The following ZBTB44 variants were observed in gnomAD, a reference collection of about 807,000 sequenced individuals.
The protein encoded by ZBTB44 is zinc finger and BTB domain-containing protein 44.
In ZBTB44, 15 loss-of-function variants were observed where a neutral mutation model predicts 54.0. The observed-to-expected ratio is 0.28, with a 90% CI of 0.19 to 0.43. ZBTB44 has a LOEUF of 0.43. Ranked by LOEUF, ZBTB44 falls within the 20% of genes least tolerant of loss-of-function variation. The pLI, the probability that ZBTB44 is intolerant of heterozygous loss-of-function variation, is 1.00. For missense variants in ZBTB44, 487 were observed against 707.1 expected, an observed-to-expected ratio of 0.69 and a Z score of 3.53; for synonymous variants, 230 against 250.1, an observed-to-expected ratio of 0.92 and a Z score of 0.76.
chr11:130,240,978 C>T (rs921268374), intron 2 of ZBTB44, among the ~76,000 whole-genome samples: 1 of 152,186 alleles, frequency 6.6e-6, no homozygotes, highest in African/African-American at 2.4e-5. Context: ...TGTTGTCTGG[C>T]TGTTTTATAT....
chr11:130,299,064 C>CA (rs1453466924), intron 1 of ZBTB44, among the ~76,000 whole-genome samples: 2 of 151,906 alleles, frequency 1.3e-5, no homozygotes, highest in Non-Finnish European at 2.9e-5. Context: ...GCCTGGGTAA[C>CA]AGAGTGAGAC....
chr11:130,271,618 G>A (rs1939675692), intron 1 of ZBTB44, among the ~76,000 whole-genome samples: 1 of 152,146 alleles, frequency 6.6e-6, no homozygotes, highest in Admixed American at 6.5e-5. Flanking sequence ...GTGGACGTTT[G>A]GGGCTCACTT....
At chr11:130,255,799 C>T (rs1010379219) in intron 2 of ZBTB44, among the ~76,000 whole-genome samples, 4 of 149,004 alleles carry the variant, frequency 2.7e-5, no homozygotes, top group East Asian at 2.0e-4. Context: ...AAAATCTAGA[C>T]GAAAATTCCT....
At chr11:130,239,585 G>C (rs1011665454) in intron 3 of ZBTB44, 1 of 340,932 alleles carries the variant, frequency 2.9e-6, no homozygotes, top group Non-Finnish European at 5.5e-6. Context: ...ACTTGGTACA[G>C]ATACGATTTA....
intron 1 of ZBTB44, among the ~76,000 whole-genome samples, chr11:130,278,353 G>C (rs1293305944): frequency 6.6e-6 from 1 of 152,152 alleles, no homozygotes; most frequent in Non-Finnish European, 1.5e-5. Flanking sequence ...GAAAAACAGA[G>C]TGGTTGTAAG....
rs771153046 is a variant in ZBTB44, at chr11:130,260,971, C to A, written c.903G>T (p.Glu301Asp). 18 of 1,613,884 alleles carry A rather than the reference C, an allele frequency of 1.1e-5. No homozygotes were observed. The highest frequency in any genetic ancestry group is 5.9e-6 in the Non-Finnish European group (7 of 1,179,896). Residue 301 changes from glutamate to aspartate, a missense_variant, in exon 2 of 8, where the codon GAG becomes GAT. Physicochemically the swap from Glu to Asp is conservative, Grantham distance 45. Around this residue, in one of 3 missense-constraint regions of ZBTB44, gnomAD observed 277 missense variants for 306.5 expected, o/e 0.90. Coordinates refer to ENST00000357899, the MANE Select transcript of ZBTB44 (RefSeq NM_001301098.2). The part of the protein sequence containing the change: ...VERLSDEEVH[E>D]EVSQPVSASQ... ...ATGCACTGACAGGCTGGGACACTTC[C>A]TCATGGACCTCCTCATCACTTAATC...
At chr11:130,234,998 T>C (rs1199442859) in intron 5 of ZBTB44, among the ~76,000 whole-genome samples, 1 of 152,204 alleles carries the variant, frequency 6.6e-6, no homozygotes, top group Non-Finnish European at 1.5e-5. Context: ...TACTTTTCTG[T>C]ATTTCCTAAA....
Position 130,314,742 on chromosome 11 carries a change from G to A in ZBTB44, c.-424C>T, listed in dbSNP as rs1942846419. 2.0e-5 allele frequency: 3 copies of A among 150,898 alleles called. No individual in the cohort carries two copies. The South Asian group carries it at 6.3e-4, about 32-fold the overall frequency. The allele number at this position is 150,898 out of a possible 1,614,324, so 9.3% of individuals were successfully genotyped here. A position where few individuals can be genotyped will look rare whatever the true frequency, so the allele number is the denominator to read the frequency against. ...GAGGGCAGGCGGTTGTTTGGGGAGC[G>A]CGGCGACGGCTCGCGTGTTCCCAGC... On this transcript the variant is annotated 5_prime_UTR_variant, in exon 1 of 8. Coordinates refer to ENST00000357899, the MANE Select transcript of ZBTB44 (RefSeq NM_001301098.2).
chr11:130,236,673 G>T (rs992263003), intron 5 of ZBTB44, 120 bp downstream of exon 5: 7 of 1,085,970 alleles, frequency 6.4e-6, no homozygotes, highest in Non-Finnish European at 8.4e-6. Flanking sequence ...GTGGGAATCC[G>T]TAACAAATGT....
intron 2 of ZBTB44, among the ~76,000 whole-genome samples, chr11:130,253,228 C>T (rs571000798): frequency 6.6e-6 from 1 of 152,188 alleles, no homozygotes; most frequent in South Asian, 2.1e-4. Flanking sequence ...GGCAATCAGG[C>T]AGGAGAAAGA....
intron 1 of ZBTB44, among the ~76,000 whole-genome samples, chr11:130,283,309 G>C (rs1411459173): frequency 6.6e-6 from 1 of 152,022 alleles, no homozygotes; most frequent in South Asian, 2.1e-4. Flanking sequence ...GCCTCCCAAA[G>C]TGCTGGGATT....
At chr11:130,310,738 T>G (rs1330272385) in intron 1 of ZBTB44, among the ~76,000 whole-genome samples, 1 of 152,164 alleles carries the variant, frequency 6.6e-6, no homozygotes, top group Non-Finnish European at 1.5e-5. Context: ...AAATATAGTT[T>G]TTTTTTGTTT....
At chr11:130,262,583 C>T (rs1405701887) in intron 1 of ZBTB44, among the ~76,000 whole-genome samples, 4 of 152,096 alleles carry the variant, frequency 2.6e-5, no homozygotes, top group East Asian at 1.9e-4. Flanking sequence ...TATCAGTAGG[C>T]GTATTATCAT....
chr11:130,240,773 C>G (rs1387429305), intron 2 of ZBTB44, among the ~76,000 whole-genome samples: 1 of 152,180 alleles, frequency 6.6e-6, no homozygotes, highest in Admixed American at 6.5e-5. Context: ...ATCTTGAATA[C>G]AAGTATCCAT....
chr11:130,251,319 A>G (rs1042188967), intron 2 of ZBTB44, among the ~76,000 whole-genome samples: 1 of 152,240 alleles, frequency 6.6e-6, no homozygotes, highest in African/African-American at 2.4e-5. Flanking sequence ...CCTACGATTG[A>G]CTGAGGTCCC....
chr11:130,286,224 C>T (rs1298247276), intron 1 of ZBTB44, among the ~76,000 whole-genome samples: 4 of 152,074 alleles, frequency 2.6e-5, no homozygotes, highest in African/African-American at 7.2e-5. Context: ...AAAGCTGAGT[C>T]CTTAGCTGTA....
intron 1 of ZBTB44, chr11:130,296,718 T>A (rs1941676883): frequency 7.0e-6 from 7 of 999,974 alleles, no homozygotes; most frequent in Non-Finnish European, 1.1e-5. Context: ...GTCTAAAATT[T>A]CTGACATTCA....
chr11:130,263,418 G>A (rs1939022694), intron 1 of ZBTB44, among the ~76,000 whole-genome samples: 1 of 152,192 alleles, frequency 6.6e-6, no homozygotes, highest in African/African-American at 2.4e-5. Flanking sequence ...TTGCATCCCA[G>A]GAGACTAGCT....
At chr11:130,236,626 C>A (rs1307761652) in intron 5 of ZBTB44, 167 bp downstream of exon 5, 6 of 677,182 alleles carry the variant, frequency 8.9e-6, no homozygotes, top group Non-Finnish European at 4.2e-6. Context: ...GAAGACTCAG[C>A]AAAATTTTAT....
Sources: allele counts gnomAD v4.1 joint callset (sites outside exome capture counted in the v4.1 genomes callset), GRCh38; gene constraint gnomAD v4.1.1; regional missense constraint gnomAD v4.1.1; transcripts MANE v1.5; gene names NCBI Gene and HGNC (gene_info 2026-07-23, HGNC 2026-07-21).